B4GALNT2: variants seen among roughly 807,000 people sequenced by gnomAD.
B4GALNT2 encodes the protein beta-1,4-N-acetyl-galactosaminyltransferase 2 (SID blood group).
A neutral mutation model predicts 51.1 loss-of-function variants in B4GALNT2; 42 were observed. The observed-to-expected ratio is 0.82, with a 90% CI of 0.64 to 1.06. The LOEUF is 1.06. B4GALNT2 is among the 50% of genes least tolerant of loss of function. The pLI is 0.00. For synonymous variants in B4GALNT2, 253 were observed against 251.7 expected, an observed-to-expected ratio of 1.01 and a Z score of -0.05; for missense variants, 602 against 633.6, an observed-to-expected ratio of 0.95 and a Z score of 0.54.
chr17:49,132,865 G>A, intron 1 of B4GALNT2, 59 bp downstream of exon 1: 3 of 1,370,192 alleles, frequency 2.2e-6, no homozygotes, highest in Non-Finnish European at 2.8e-6. Flanking sequence ...AGGGAGCGCC[G>A]CGGGTCCTTT....
intron 1 of B4GALNT2, 104 bp downstream of exon 1, chr17:49,132,910 C>T (rs2042552554): frequency 9.4e-6 from 13 of 1,377,632 alleles, no homozygotes; most frequent in Non-Finnish European, 1.1e-5. Context: ...GCTGGGGACG[C>T]AGACGCCGGA....
At chr17:49,156,670 T>C (rs1013040484) in intron 5 of B4GALNT2, 67 bp downstream of exon 5, 2 of 1,543,966 alleles carry the variant, frequency 1.3e-6, no homozygotes, top group African/African-American at 2.7e-5. Flanking sequence ...CTGTGGCTGC[T>C]CTCAGCCTTT....
At chr17:49,125,020 A>T in the B4GALNT2 span, among the ~76,000 whole-genome samples, 77,598 of 152,038 alleles carry the variant, frequency 0.51, 20,198 homozygotes, top group Middle Eastern at 0.62. Context: ...TAGGTAAAAA[A>T]CCACATTACA....
At chr17:49,121,504 G>A in the B4GALNT2 span, among the ~76,000 whole-genome samples, 1 of 152,164 alleles carries the variant, frequency 6.6e-6, no homozygotes, top group African/African-American at 2.4e-5. Flanking sequence ...AGTAGACAGG[G>A]GCTTGATGGT....
At position 49,161,681 on chromosome 17, in the gene B4GALNT2, G is replaced by A. The variant is rs1598213900; in HGVS notation, c.766+1040G>A. On this transcript the variant is annotated intron_variant, in intron 7 of 10. Coordinates refer to ENST00000393354, the MANE Select transcript of B4GALNT2 (RefSeq NM_001159387.2). ...TATCTAAATACATTTTAAAGTACTA[G>A]AAAAAAAACCTGTAGTTAATTTTTA... is the stretch of plus-strand genomic sequence containing the variant. 2.0e-5 allele frequency among the ~76,000 whole-genome samples: 3 copies of A among 151,702 alleles called. No individual in the cohort carries two copies. The South Asian group carries it at 6.2e-4, about 32-fold the overall frequency.
upstream of B4GALNT2, among the ~76,000 whole-genome samples, chr17:49,132,104 A>C (rs1412979850): frequency 1.3e-5 from 2 of 151,890 alleles, no homozygotes. Context: ...ACACTATTGC[A>C]CTCCAGGCTG....
chr17:49,139,789 T>A (rs1385731772), intron 1 of B4GALNT2, among the ~76,000 whole-genome samples: 1 of 152,150 alleles, frequency 6.6e-6, no homozygotes, highest in African/African-American at 2.4e-5. Context: ...GTGCTCAGAT[T>A]ATGGGCATGA....
intron 1 of B4GALNT2, among the ~76,000 whole-genome samples, chr17:49,140,622 G>A (rs1383781981): frequency 1.3e-5 from 2 of 150,296 alleles, no homozygotes; most frequent in Non-Finnish European, 2.9e-5. Flanking sequence ...ACGGCTATCT[G>A]TTTTGGTATC....
intron 3 of B4GALNT2, among the ~76,000 whole-genome samples, chr17:49,152,067 G>GT (rs886452496): frequency 7.3e-5 from 11 of 151,724 alleles, no homozygotes; most frequent in South Asian, 6.3e-4. Flanking sequence ...GCTGGTCATG[G>GT]TTTTTTTTAA....
At chr17:49,151,634 T>C (rs1483329324) in intron 3 of B4GALNT2, among the ~76,000 whole-genome samples, 2 of 151,656 alleles carry the variant, frequency 1.3e-5, no homozygotes, top group Non-Finnish European at 2.9e-5. Context: ...TAGTCCCAGC[T>C]ACTAAGGAGG....
intron 8 of B4GALNT2, among the ~76,000 whole-genome samples, chr17:49,165,432 C>A (rs1179121289): frequency 2.4e-5 from 3 of 125,722 alleles, no homozygotes; most frequent in African/African-American, 9.2e-5. Context: ...TCTCTCTCTC[C>A]TCCCACCTCT....
In B4GALNT2 at chr17:49,141,359, G is replaced by C; in HGVS notation, c.127G>C (p.Glu43Gln). ...LQAVFSSPKPELPSPAPGVQK... is the reference protein window; with the variant it reads ...LQAVFSSPKPQLPSPAPGVQK... ...AGCAGTGTTCAGCAGCCCCAAGCCA[G>C]AACTCCCAAGTCCTGCCCCGGGTGT... is the stretch of plus-strand genomic sequence containing the variant. The change falls in exon 2 of 11, where the codon GAA (glutamate) becomes CAA (glutamine). Residue 43 changes from glutamate (E) to glutamine (Q), a missense_variant. By Grantham distance (29) the Glu-to-Gln change is conservative. Transcript: ENST00000393354. 6.8e-6 allele frequency: 11 copies of C among 1,614,136 alleles called. No homozygotes were observed. Among genetic ancestry groups the C allele is most frequent in the Non-Finnish European group, 9.3e-6 (11 of 1,180,016 alleles).
chr17:49,169,258 C>T (rs1003035270), intron 10 of B4GALNT2, among the ~76,000 whole-genome samples: 5 of 152,078 alleles, frequency 3.3e-5, no homozygotes, highest in South Asian at 2.1e-4. Context: ...CCCTGGAGTC[C>T]GCAGTTCTGT....
intron 3 of B4GALNT2, 72 bp downstream of exon 3, chr17:49,142,244 A>C (rs1698621213): frequency 6.4e-7 from 1 of 1,569,762 alleles, no homozygotes; most frequent in Non-Finnish European, 8.7e-7. Context: ...GAGGTTGTGA[A>C]TCTTAAGAGA....
rs988551883 is a variant in B4GALNT2 at position 49,176,127 on chromosome 17, G to C, written c.*6399G>C. On this transcript the variant is annotated 3_prime_UTR_variant, in exon 11 of 11. Coordinates refer to ENST00000393354, the MANE Select transcript of B4GALNT2 (RefSeq NM_001159387.2). ...CTTAAGGGTACTCGGGTGTCCTCCA[G>C]CTTAGTTCCACATTCTCCAACCATC... 3 of 152,202 alleles carry C rather than the reference G, an allele frequency of 2.0e-5. No individual in the cohort carries two copies. Among genetic ancestry groups the C allele is most frequent in the Non-Finnish European group, 4.4e-5 (3 of 68,068 alleles). The allele number at this position is 152,202 out of a possible 1,614,324, so 9.4% of individuals were successfully genotyped here.
intron 1 of B4GALNT2, among the ~76,000 whole-genome samples, chr17:49,134,585 G>GTTATT (rs1314730757): frequency 6.6e-6 from 1 of 151,186 alleles, no homozygotes; most frequent in East Asian, 2.0e-4. Flanking sequence ...ACTAATTTTT[G>GTTATT]TTATTTTATT....
At chr17:49,145,744 G>A (rs983687590) in intron 3 of B4GALNT2, among the ~76,000 whole-genome samples, 1 of 152,146 alleles carries the variant, frequency 6.6e-6, no homozygotes, top group Non-Finnish European at 1.5e-5. Context: ...TGGATCTCCT[G>A]TATTCCATGT....
At chr17:49,134,863 G>C (rs1321754799) in intron 1 of B4GALNT2, among the ~76,000 whole-genome samples, 1 of 151,966 alleles carries the variant, frequency 6.6e-6, no homozygotes, top group Non-Finnish European at 1.5e-5. Flanking sequence ...AGTGCTGGGA[G>C]TACAGACATG....
chr17:49,127,747 AAGAC>A (rs149483954), upstream of B4GALNT2, among the ~76,000 whole-genome samples: 2,222 of 152,334 alleles, frequency 0.015, 32 homozygotes, highest in Non-Finnish European at 0.024. Flanking sequence ...CTGGAAGACA[AAGAC>A]AGATTTTGAG....
Sources: allele counts gnomAD v4.1 joint callset (sites outside exome capture counted in the v4.1 genomes callset), GRCh38; gene constraint gnomAD v4.1.1; transcripts MANE v1.5; gene names NCBI Gene and HGNC (gene_info 2026-07-23, HGNC 2026-07-21).